Variants in MTA3 observed in about 807,000 individuals in gnomAD.
MTA3 encodes the protein metastasis-associated protein MTA3.
A neutral mutation model predicts 83.5 loss-of-function variants in MTA3; 34 were observed. The observed-to-expected ratio is 0.41, with a 90% confidence interval of 0.31 to 0.54. MTA3 has a LOEUF of 0.54. Ranked by LOEUF, MTA3 falls within the 20% of genes least tolerant of loss-of-function variation. The pLI, the probability that MTA3 is intolerant of heterozygous loss-of-function variation, is 0.33. For synonymous variants in MTA3, 303 were observed against 252.7 expected, an observed-to-expected ratio of 1.20 and a Z score of -1.89; for missense variants, 761 against 726.4, an observed-to-expected ratio of 1.05 and a Z score of -0.55.
At chr2:42,664,018 G>T (rs951639862) in intron 8 of MTA3, among the ~76,000 whole-genome samples, 1 of 152,152 alleles carries the variant, frequency 6.6e-6, no homozygotes, top group African/African-American at 2.4e-5. Context: ...TTCAGAGATA[G>T]GGTTTGGATC....
chr2:42,667,990 G>A (rs1219050089), intron 8 of MTA3, among the ~76,000 whole-genome samples: 2 of 152,116 alleles, frequency 1.3e-5, no homozygotes, highest in East Asian at 1.9e-4. Flanking sequence ...TGTATGATCC[G>A]TGTAGCCCGG....
At chr2:42,747,252 A>T (rs1311026730) in intron 16 of MTA3, among the ~76,000 whole-genome samples, 1 of 151,970 alleles carries the variant, frequency 6.6e-6, no homozygotes, top group Non-Finnish European at 1.5e-5. Context: ...CGCCCACCTC[A>T]GCCCCCGAAA....
At chr2:42,659,572 G>A (rs184079003) in intron 7 of MTA3, 191 bp from the exon 8 acceptor site, 1 of 280,700 alleles carries the variant, frequency 3.6e-6, no homozygotes, top group East Asian at 6.4e-5. Context: ...ATAGTAAATT[G>A]GCTTGTCAAT....
chr2:42,681,759 C>T (rs1162289095), intron 8 of MTA3, among the ~76,000 whole-genome samples: 1 of 152,006 alleles, frequency 6.6e-6, no homozygotes, highest in African/African-American at 2.4e-5. Context: ...GTTCCTCCCA[C>T]CTTGGCTTCT....
Position 42,754,843 on chromosome 2 carries a change from T to C in MTA3, c.*1444T>C. On this transcript the variant is annotated 3_prime_UTR_variant, in exon 17 of 17. Coordinates refer to ENST00000405094, the MANE Select transcript of MTA3 (RefSeq NM_001330442.2). The stretch of plus-strand genomic sequence containing the variant: ...TGTAGATGTCTGTGTCCTCGGAGGC[T>C]GAGCTCCGCTTGGCAGAGAGAGCGT... 1.0e-6 allele frequency: 1 copy of C among 985,512 alleles called. No individual in the cohort carries two copies. The highest frequency in any genetic ancestry group is 1.2e-6 in the Non-Finnish European group (1 of 829,980). 61.0% of individuals were successfully genotyped at this position (985,512 alleles called of 1,614,324 possible). A position where few individuals can be genotyped will look rare whatever the true frequency, so the allele number is the denominator to read the frequency against.
At chr2:42,690,971 G>A (rs1692838988) in intron 9 of MTA3, among the ~76,000 whole-genome samples, 1 of 151,784 alleles carries the variant, frequency 6.6e-6, no homozygotes, top group Non-Finnish European at 1.5e-5. Flanking sequence ...CCACCTCCCA[G>A]GTTCAAGTGA....
chr2:42,694,827 A>G lies in MTA3; in HGVS notation c.892-938A>G, dbSNP rs546750303. Among the ~76,000 whole-genome samples the G allele has an allele frequency of 7.9e-5, 12 of 152,032 alleles. No homozygotes were observed. In the South Asian group the frequency reaches 2.5e-3, roughly 32 times the overall value. ...CTGCAGCCCCACCTGTAGCTTGAGAACTTTCCCAAGTAAGTCATGAAATGT... is the reference window on the plus strand; with the variant it reads ...CTGCAGCCCCACCTGTAGCTTGAGAGCTTTCCCAAGTAAGTCATGAAATGT... On this transcript the variant is annotated intron_variant, in intron 9 of 16. Transcript: ENST00000405094.
chr2:42,510,912 A>C (rs1490131907), intron 2 of MTA3, among the ~76,000 whole-genome samples: 1 of 152,222 alleles, frequency 6.6e-6, no homozygotes, highest in East Asian at 1.9e-4. Flanking sequence ...ACTGAATGGA[A>C]GTTCCCCACT....
intron 8 of MTA3, among the ~76,000 whole-genome samples, chr2:42,660,204 T>C (rs1039781628): frequency 6.6e-6 from 1 of 152,126 alleles, no homozygotes; most frequent in Non-Finnish European, 1.5e-5. Flanking sequence ...TTCTCGTGCC[T>C]CAGCCTCCTG....
At chr2:42,668,463 G>C (rs552412653) in intron 8 of MTA3, among the ~76,000 whole-genome samples, 1 of 152,256 alleles carries the variant, frequency 6.6e-6, no homozygotes, top group East Asian at 1.9e-4. Flanking sequence ...GGCTGCCGCT[G>C]AGTTCCCACA....
At chr2:42,607,170 G>A (rs7589931) in intron 3 of MTA3, among the ~76,000 whole-genome samples, 117,442 of 151,822 alleles carry the variant, frequency 0.77, 46,100 homozygotes, top group African/African-American at 0.9. Flanking sequence ...CTTTTACCCC[G>A]CAAGTAAAAT....
In MTA3 at chr2:42,719,014, G is replaced by A. The variant is rs1279075634; in HGVS notation, c.1552G>A (p.Gly518Arg). 11 of 1,550,282 alleles carry A rather than the reference G, an allele frequency of 7.1e-6. No individual in the cohort carries two copies. The East Asian group carries it at 2.7e-4, about 38-fold the overall frequency. ...TGCAGACAGACATGCTGAACTATCT[G>A]GAAGTCCACTGAAAAGCAAAAGCAC... ...EYADRHAELS[G>R]SPLKSKSTRK... is the part of the protein sequence containing the mutation. The change falls in exon 15 of 17, where the codon GGA becomes AGA. Residue 518 changes from glycine (G) to arginine (R), a missense_variant. By Grantham distance (125) the Gly-to-Arg change is moderately radical. Transcript: ENST00000405094.
At chr2:42,700,582 A>T (rs558646726) in intron 11 of MTA3, among the ~76,000 whole-genome samples, 1 of 152,304 alleles carries the variant, frequency 6.6e-6, no homozygotes, top group East Asian at 1.9e-4. Flanking sequence ...TTCAACACAC[A>T]TATTTAGCCC....
chr2:42,551,770 C>T (rs1050551297), intron 2 of MTA3, among the ~76,000 whole-genome samples: 6 of 149,428 alleles, frequency 4.0e-5, no homozygotes, highest in East Asian at 1.9e-4. Context: ...GATGGAGTTT[C>T]GCTCTGGAGT....
chr2:42,540,834 CAA>C (rs111470436), intron 2 of MTA3, among the ~76,000 whole-genome samples: 24 of 133,084 alleles, frequency 1.8e-4, no homozygotes, highest in South Asian at 2.3e-4. Context: ...GACCCTGTCT[CAA>C]AAAAAAAAAA....
intron 3 of MTA3, among the ~76,000 whole-genome samples, chr2:42,580,714 G>A (rs1030403611): frequency 8.6e-5 from 13 of 151,948 alleles, no homozygotes; most frequent in Non-Finnish European, 1.9e-4. Flanking sequence ...TCCTGCCTCC[G>A]CCTCCCGAGT....
chr2:42,516,342 A>G (rs535980460), intron 2 of MTA3, among the ~76,000 whole-genome samples: 1 of 152,322 alleles, frequency 6.6e-6, no homozygotes, highest in South Asian at 2.1e-4. Flanking sequence ...AATACCAGAA[A>G]TACTGCAACG....
intron 9 of MTA3, among the ~76,000 whole-genome samples, chr2:42,688,770 C>T (rs1480266494): frequency 1.3e-5 from 2 of 151,792 alleles, no homozygotes; most frequent in Non-Finnish European, 2.9e-5. Context: ...ACATAAAGGG[C>T]AGTTTTTGTT....
intron 16 of MTA3, among the ~76,000 whole-genome samples, chr2:42,744,336 G>C (rs530369325): frequency 6.6e-6 from 1 of 152,226 alleles, no homozygotes; most frequent in Admixed American, 6.5e-5. Flanking sequence ...TAATATCACA[G>C]CTTCTCCCAG....
Sources: allele counts gnomAD v4.1 joint callset (sites outside exome capture counted in the v4.1 genomes callset), GRCh38; gene constraint gnomAD v4.1.1; transcripts MANE v1.5; gene names NCBI Gene and HGNC (gene_info 2026-07-23, HGNC 2026-07-21).